Variants in RP9 observed in about 807,000 individuals in gnomAD.
RP9 encodes the protein retinitis pigmentosa 9 protein.
A neutral mutation model predicts 32.6 loss-of-function variants in RP9; 23 were observed. That is an observed-to-expected ratio of 0.71 (90% CI 0.51 to 1.00). The LOEUF is 1.00. Ranked by LOEUF, RP9 falls within the 50% of genes least tolerant of loss-of-function variation. The pLI, the probability that RP9 is intolerant of heterozygous loss-of-function variation, is 0.00. For synonymous variants in RP9, 94 were observed against 103.6 expected (o/e 0.91, Z 0.56); for missense variants, 245 against 285.3 (o/e 0.86, Z 1.02).
rs115129133 is a variant in RP9, at chr7:33,098,998, T to C, written c.313+309A>G. On this transcript the variant is annotated intron_variant, in intron 3 of 5. Coordinates refer to ENST00000297157, the MANE Select transcript of RP9 (RefSeq NM_203288.2). ...CGGGCTGACATAACAAAATGCCGTA[T>C]TCTGGGTGGCCTAAACAACAGAAAC... 7.7e-4 allele frequency: 348 copies of C among 454,080 alleles called. 3 individuals are homozygous for C. The highest frequency in any genetic ancestry group is 6.1e-3 in the African/African-American group (306 of 50,538). 28.1% of individuals were successfully genotyped at this position (454,080 alleles called of 1,614,324 possible). A position where few individuals can be genotyped will look rare whatever the true frequency, so the allele number is the denominator to read the frequency against.
At position 33,109,404 on chromosome 7, in the gene RP9, C is replaced by T. The variant is rs955264799; in HGVS notation, c.-32G>A. 5 of 1,103,770 alleles carry T rather than the reference C, an allele frequency of 4.5e-6. No individual in the cohort carries two copies. The highest frequency in any genetic ancestry group is 1.7e-5 in the African/African-American group (1 of 59,312). The allele number at this position is 1,103,770 out of a possible 1,614,324, so 68.4% of individuals were successfully genotyped here. On this transcript the variant is annotated 5_prime_UTR_variant, in exon 1 of 6. Transcript: ENST00000297157. This position sits in a 1 kb window ranked among gnomAD's most constrained non-coding sequence, Gnocchi z 4.9. ...CCCCGCAGCGCCGCTCGGGCAACCCCCGCGGCGCGGCTCCGGCGGCGGCGG... is the reference window on the plus strand; with the variant it reads ...CCCCGCAGCGCCGCTCGGGCAACCCTCGCGGCGCGGCTCCGGCGGCGGCGG...
At position 33,109,189 on chromosome 7, in the gene RP9, T is replaced by C; in HGVS notation, c.152+32A>G. On this transcript the variant is annotated intron_variant, in intron 1 of 5. Transcript: ENST00000297157. The surrounding 1 kb of genome is among the most constrained non-coding windows in gnomAD (Gnocchi z 4.9). ...CCCCGGGCCCCTGGCTTCAGAAGACTGGCCGCGCGCGGACGGCAGCTCGGG... is the reference window on the plus strand; with the variant it reads ...CCCCGGGCCCCTGGCTTCAGAAGACCGGCCGCGCGCGGACGGCAGCTCGGG... 1 of 1,480,544 alleles carries C rather than the reference T, an allele frequency of 6.8e-7. No individual in the cohort carries two copies. 91.7% of individuals were successfully genotyped at this position (1,480,544 alleles called of 1,614,324 possible).
rs772834170 is a variant in RP9 at position 33,099,289 on chromosome 7, A to G, written c.313+18T>C. The G allele has an allele frequency of 3.7e-6, 6 of 1,612,264 alleles. No homozygotes were observed. Among genetic ancestry groups the G allele is most frequent in the Non-Finnish European group, 5.1e-6 (6 of 1,179,910 alleles). ...GGCATGTAAGTTGCATGGATTAGGG[A>G]AACTCTCCCACACTCACACTGCATA... On this transcript the variant is annotated intron_variant, in intron 3 of 5. Transcript: ENST00000297157.
intron 3 of RP9, among the ~76,000 whole-genome samples, chr7:33,098,136 A>G (rs1373005416): frequency 1.3e-5 from 2 of 152,128 alleles, no homozygotes; most frequent in Non-Finnish European, 2.9e-5. Flanking sequence ...CTGTAATCCT[A>G]GCACTTTGGG....
chr7:33,100,438 A>G, intron 2 of RP9, 93 bp downstream of exon 2: 1 of 1,082,322 alleles, frequency 9.2e-7, no homozygotes. Context: ...TGGTAAAAGG[A>G]GATTTAACAT....
chr7:33,099,290 A>C lies in RP9; in HGVS notation c.313+17T>G. ...GCATGTAAGTTGCATGGATTAGGGA[A>C]ACTCTCCCACACTCACACTGCATAA... On this transcript the variant is annotated intron_variant, in intron 3 of 5. Transcript: ENST00000297157. 6.2e-7 allele frequency: 1 copy of C among 1,612,250 alleles called. No homozygotes were observed. Among genetic ancestry groups the C allele is most frequent in the African/African-American group, 1.3e-5 (1 of 74,846 alleles).
chr7:33,095,365 A>G lies in RP9; in HGVS notation c.535T>C (p.Ser179Pro). 1 of 1,613,632 alleles carries G rather than the reference A, an allele frequency of 6.2e-7. No homozygotes were observed. ...TTCTTGTGTTTCTCTTTACCTTCAG[A>G]GGAACTGGAGCTGCTCCTATCTTCA... ...SDEDRSSSSS[S>P]EGKEKHKKKK... The change falls in exon 6 of 6, where the codon TCT becomes CCT. Residue 179 changes from serine (S) to proline (P), a missense_variant. Ser to Pro is a moderately conservative substitution (Grantham distance 74). Around this residue, in one of 2 missense-constraint regions of RP9, gnomAD observed 63 missense variants for 109.8 expected, o/e 0.57. Coordinates refer to ENST00000297157, the MANE Select transcript of RP9 (RefSeq NM_203288.2).
At chr7:33,100,800 C>T (rs1176396315) in intron 1 of RP9, 1 of 662,548 alleles carries the variant, frequency 1.5e-6, no homozygotes, top group South Asian at 1.5e-5. Context: ...AGGGACTGAA[C>T]CCAGAGGAGA....
Position 33,095,214 on chromosome 7 carries a change from T to C in RP9, c.*20A>G. The C allele has an allele frequency of 6.3e-7, 1 of 1,596,696 alleles. No homozygotes were observed. Among genetic ancestry groups the C allele is most frequent in the Non-Finnish European group, 8.6e-7 (1 of 1,164,356 alleles). On this transcript the variant is annotated 3_prime_UTR_variant, in exon 6 of 6. Coordinates refer to ENST00000297157, the MANE Select transcript of RP9 (RefSeq NM_203288.2). Reference sequence around the variant, plus strand: ...TTGGTCAGTGTTTGAGAAGAGAATGTTGAACAAGTCACATCCTTGTCACTC... The same window carrying C: ...TTGGTCAGTGTTTGAGAAGAGAATGCTGAACAAGTCACATCCTTGTCACTC...
chr7:33,100,416 G>T, intron 2 of RP9, 115 bp downstream of exon 2: 1 of 947,652 alleles, frequency 1.1e-6, no homozygotes, highest in East Asian at 2.5e-5. Context: ...TGCAGGAAAA[G>T]AAACAGGCTT....
intron 1 of RP9, chr7:33,100,853 C>CA: frequency 1.8e-6 from 1 of 557,456 alleles, no homozygotes; most frequent in South Asian, 1.7e-5. Context: ...GGACAGGCAG[C>CA]AAGATGGGAA....
In RP9 at chr7:33,097,671, G is replaced by A. The variant is rs548978969; in HGVS notation, c.314-309C>T. Reference sequence around the variant, plus strand: ...GTCCTGCTCTGTCGCTCAGGCTGGAGTGCAGTGGCGTGATCTCAGCTCACT... The same window carrying A: ...GTCCTGCTCTGTCGCTCAGGCTGGAATGCAGTGGCGTGATCTCAGCTCACT... On this transcript the variant is annotated intron_variant, in intron 3 of 5. Transcript: ENST00000297157. Among the ~76,000 whole-genome samples the A allele has an allele frequency of 2.3e-4, 35 of 152,204 alleles. No homozygotes were observed. The South Asian group carries it at 7.1e-3, about 31-fold the overall frequency.
chr7:33,099,399 A>C lies in RP9; in HGVS notation c.221T>G (p.Val74Gly), dbSNP rs889899771. 1.2e-6 allele frequency: 2 copies of C among 1,613,312 alleles called. No individual in the cohort carries two copies. Among genetic ancestry groups the C allele is most frequent in the Non-Finnish European group, 1.7e-6 (2 of 1,179,938 alleles). Residue 74 changes from valine to glycine, a missense_variant, in exon 3 of 6, where the codon GTA becomes GGA. This residue lies in a region of RP9 where 182 missense variants were observed against 175.5 expected (regional missense o/e 1.04). Coordinates refer to ENST00000297157, the MANE Select transcript of RP9 (RefSeq NM_203288.2). ...TTCCCTGGCGTGTTCATTGCCTGGTACATCTGGTATGCAATCTTCTGGCTT... is the reference window on the plus strand; with the variant it reads ...TTCCCTGGCGTGTTCATTGCCTGGTCCATCTGGTATGCAATCTTCTGGCTT... ...ETKPEDCIPD[V>G]PGNEHAREFL...
intron 4 of RP9, 139 bp downstream of exon 4, chr7:33,097,132 A>G: frequency 1.4e-6 from 1 of 690,982 alleles, no homozygotes; most frequent in Non-Finnish European, 2.6e-6. Flanking sequence ...ATAAGCATGT[A>G]GTTAACAGCA....
In RP9 at chr7:33,104,545, G is replaced by A. The variant is rs79575883; in HGVS notation, c.153-3984C>T. Among the ~76,000 whole-genome samples the A allele has an allele frequency of 3.9e-3, 595 of 152,032 alleles. 6 individuals are homozygous for A. The highest frequency in any genetic ancestry group is 3.0e-3 in the Non-Finnish European group (207 of 67,972). On this transcript the variant is annotated intron_variant, in intron 1 of 5. Transcript: ENST00000297157. Reference sequence around the variant, plus strand: ...CAGCAATAAAGAATAGTTTCTTAACGTTTAAGGGTGAGGTGAACTTGAACA... The same window carrying A: ...CAGCAATAAAGAATAGTTTCTTAACATTTAAGGGTGAGGTGAACTTGAACA...
chr7:33,099,539 C>G, intron 2 of RP9, 103 bp from the exon 3 acceptor site: 3 of 1,217,906 alleles, frequency 2.5e-6, no homozygotes, highest in Non-Finnish European at 3.6e-6. Context: ...GCTTCCGGTG[C>G]CAACATCATC....
chr7:33,105,401 C>T (rs574292330), intron 1 of RP9, among the ~76,000 whole-genome samples: 2 of 152,200 alleles, frequency 1.3e-5, no homozygotes, highest in South Asian at 4.2e-4. Context: ...GGCCAGAATT[C>T]CTCTTTTCCA....
intron 5 of RP9, 72 bp downstream of exon 5, chr7:33,096,421 A>G: frequency 9.8e-7 from 1 of 1,020,758 alleles, no homozygotes; most frequent in Admixed American, 1.7e-5. Flanking sequence ...CTCTAACACT[A>G]GAGTGGTTTT....
rs894637258 is a variant in RP9, at chr7:33,109,171, C to A, written c.152+50G>T. ...CCACCGCGGCGTCCCGCGCCCCGGG[C>A]CCCTGGCTTCAGAAGACTGGCCGCG... On this transcript the variant is annotated intron_variant, in intron 1 of 5. Transcript: ENST00000297157. This position sits in a 1 kb window ranked among gnomAD's most constrained non-coding sequence, Gnocchi z 4.9. 4 of 1,473,082 alleles carry A rather than the reference C, an allele frequency of 2.7e-6. No individual in the cohort carries two copies. The highest frequency in any genetic ancestry group is 1.5e-5 in the African/African-American group (1 of 67,690). The allele number at this position is 1,473,082 out of a possible 1,614,324, so 91.3% of individuals were successfully genotyped here. A position where few individuals can be genotyped will look rare whatever the true frequency, so the allele number is the denominator to read the frequency against.
Sources: allele counts gnomAD v4.1 joint callset (sites outside exome capture counted in the v4.1 genomes callset), GRCh38; gene constraint gnomAD v4.1.1; regional missense constraint gnomAD v4.1.1; non-coding constraint Gnocchi (gnomAD v3.1); transcripts MANE v1.5; gene names NCBI Gene and HGNC (gene_info 2026-07-23, HGNC 2026-07-21).